FAR2: variants seen among roughly 807,000 people sequenced by gnomAD.
The protein encoded by FAR2 is fatty acyl-CoA reductase 2, also known as epididymis secretory protein Li 81.
A neutral mutation model predicts 56.0 loss-of-function variants in FAR2; 19 were observed. That is an observed-to-expected ratio of 0.34 (90% confidence interval 0.24 to 0.50). The LOEUF (loss-of-function observed/expected upper bound fraction) is 0.50. Among genes scored for constraint, FAR2 ranks in the 20% least tolerant of loss-of-function variants. The pLI is 0.98. For missense variants in FAR2, 508 were observed against 642.2 expected (o/e 0.79, Z 2.26); for synonymous variants, 219 against 218.8 (o/e 1.00, Z -0.01).
chr12:29,305,377 A>G (rs1835214458), intron 4 of FAR2, among the ~76,000 whole-genome samples: 1 of 152,056 alleles, frequency 6.6e-6, no homozygotes, highest in Non-Finnish European at 1.5e-5. Context: ...GACTCAAACG[A>G]TCCTCCTTCC....
chr12:29,203,963 A>T (rs7307532), intron 1 of FAR2, among the ~76,000 whole-genome samples: 1 of 142,836 alleles, frequency 7.0e-6, no homozygotes, highest in African/African-American at 2.6e-5. Flanking sequence ...TTGCGCCACC[A>T]CACTCCAGCC....
intron 2 of FAR2, among the ~76,000 whole-genome samples, chr12:29,286,064 GACACAC>G (rs55752247): frequency 0.53 from 79,371 of 150,726 alleles, 21,074 homozygotes; most frequent in East Asian, 0.62. Context: ...CACACACACA[GACACAC>G]ACACACACAC....
intron 8 of FAR2, among the ~76,000 whole-genome samples, chr12:29,314,966 T>TTC (rs1949421723): frequency 6.6e-6 from 1 of 152,174 alleles, no homozygotes; most frequent in African/African-American, 2.4e-5. Flanking sequence ...GGGCACTGAT[T>TTC]ACCTGCCAGC....
intron 10 of FAR2, among the ~76,000 whole-genome samples, chr12:29,323,457 G>A (rs1163262585): frequency 6.6e-6 from 1 of 152,264 alleles, no homozygotes; most frequent in Admixed American, 6.5e-5. Context: ...TCCTCAAGTG[G>A]GTCCCTGACC....
At chr12:29,226,772 T>G (rs1037707098) in intron 1 of FAR2, among the ~76,000 whole-genome samples, 2 of 152,182 alleles carry the variant, frequency 1.3e-5, no homozygotes, top group Admixed American at 6.5e-5. Flanking sequence ...ACCATGCTTT[T>G]TTGTGTGATG....
Position 29,311,134 on chromosome 12 carries a change from C to G in FAR2, c.875C>G (p.Thr292Ser), listed in dbSNP as rs747132631. The G allele has an allele frequency of 1.9e-6, 3 of 1,612,068 alleles. No individual in the cohort carries two copies. The highest frequency in any genetic ancestry group is 1.7e-5 in the Admixed American group (1 of 59,954). ...VNLMLAVGWY[T>S]AVHRPKSTLV... ...CTCATGCTAGCTGTAGGATGGTATA[C>G]TGCAGTTCACAGGTGTGGATGCTCA... Residue 292 changes from threonine to serine, a missense_variant, in exon 7 of 12, where the codon ACT (threonine) becomes AGT (serine). Transcript: ENST00000536681.
At chr12:29,332,991 C>A in intron 11 of FAR2, 1 of 497,472 alleles carries the variant, frequency 2.0e-6, no homozygotes, top group Admixed American at 2.6e-5. Context: ...ATGGTAATTG[C>A]ATAGTAAGTC....
At chr12:29,274,904 T>A (rs1948683266) in intron 2 of FAR2, among the ~76,000 whole-genome samples, 1 of 150,424 alleles carries the variant, frequency 6.6e-6, no homozygotes, top group Non-Finnish European at 1.5e-5. Flanking sequence ...ATAAACAGCC[T>A]TGTTGCTCAC....
chr12:29,299,584 T>TATC (rs1424880356), intron 4 of FAR2, among the ~76,000 whole-genome samples: 1 of 152,250 alleles, frequency 6.6e-6, no homozygotes, highest in Non-Finnish European at 1.5e-5. Flanking sequence ...GAAATTATTT[T>TATC]ATCTCAACAG....
intron 5 of FAR2, 126 bp downstream of exon 5, chr12:29,307,961 G>C (rs1337497904): frequency 9.3e-7 from 1 of 1,073,422 alleles, no homozygotes; most frequent in Non-Finnish European, 1.3e-6. Context: ...AATCGAATAT[G>C]AACCCATTAT....
intron 1 of FAR2, chr12:29,156,366 G>A (rs1353818832): frequency 3.3e-5 from 5 of 152,092 alleles, no homozygotes; most frequent in African/African-American, 1.2e-4. Context: ...CATTGGAGTC[G>A]TGACAATGCC....
At chr12:29,242,837 C>T (rs1452860476) in intron 1 of FAR2, among the ~76,000 whole-genome samples, 1 of 152,174 alleles carries the variant, frequency 6.6e-6, no homozygotes. Flanking sequence ...GATCAGGTTC[C>T]AACTCTTGCT....
At chr12:29,241,277 A>G (rs1948030012) in intron 1 of FAR2, among the ~76,000 whole-genome samples, 1 of 152,022 alleles carries the variant, frequency 6.6e-6, no homozygotes, top group South Asian at 2.1e-4. Flanking sequence ...ACATGTCTCC[A>G]CTTCATCTTT....
At chr12:29,270,708 T>G in intron 2 of FAR2, 70 bp downstream of exon 2, 3 of 1,361,590 alleles carry the variant, frequency 2.2e-6, no homozygotes, top group East Asian at 2.5e-5. Flanking sequence ...CAATGTTCTC[T>G]TATAGTCTCA....
chr12:29,256,635 G>T (rs1016776197), intron 1 of FAR2, among the ~76,000 whole-genome samples: 1 of 152,234 alleles, frequency 6.6e-6, no homozygotes, highest in African/African-American at 2.4e-5. Flanking sequence ...TTGCAGGGAG[G>T]TGTGGAGGGA....
chr12:29,176,808 A>G (rs1042325175), intron 1 of FAR2, among the ~76,000 whole-genome samples: 3 of 151,692 alleles, frequency 2.0e-5, no homozygotes, highest in Admixed American at 6.6e-5. Context: ...CATATGGGCA[A>G]TGTGGACACA....
At chr12:29,317,990 C>G (rs1247837183) in intron 9 of FAR2, 2 of 152,604 alleles carry the variant, frequency 1.3e-5, no homozygotes, top group African/African-American at 4.8e-5. Context: ...GCTGTCACCA[C>G]CTAGCTGTGT....
intron 1 of FAR2, among the ~76,000 whole-genome samples, chr12:29,251,071 G>T (rs1278686311): frequency 2.0e-5 from 3 of 152,210 alleles, no homozygotes; most frequent in Non-Finnish European, 4.4e-5. Flanking sequence ...TGTGGCATTG[G>T]CTAGTTGATT....
At chr12:29,333,144 T>G in intron 11 of FAR2, 1 of 336,192 alleles carries the variant, frequency 3.0e-6, no homozygotes, top group South Asian at 2.5e-5. Context: ...TTTCTTAAAT[T>G]TCTTTCAGTC....
Sources: gnomAD v4.1 joint callset for allele counts (sites outside exome capture counted in the v4.1 genomes callset) on GRCh38, gnomAD v4.1.1 for gene constraint, MANE v1.5 for transcripts, NCBI Gene and HGNC (gene_info 2026-07-23, HGNC 2026-07-21) for gene names.